AGA: variants seen among roughly 807,000 people sequenced by gnomAD.
AGA encodes N(4)-(beta-N-acetylglucosaminyl)-L-asparaginase.
In AGA, 31 loss-of-function variants were observed where a neutral mutation model predicts 40.1. That is an observed-to-expected ratio of 0.77 (90% CI 0.58 to 1.04). The LOEUF (loss-of-function observed/expected upper bound fraction) is 1.04. AGA is among the 50% of genes least tolerant of loss of function. The pLI is 0.00. For missense variants in AGA, 445 were observed against 435.4 expected (o/e 1.02, Z -0.20); for synonymous variants, 148 against 144.0 (o/e 1.03, Z -0.20).
At chr4:177,438,944 C>G (rs2111018484) in intron 3 of AGA, 87 bp from the exon 4 acceptor site, 1 of 810,886 alleles carries the variant, frequency 1.2e-6, no homozygotes, top group South Asian at 1.4e-5. Flanking sequence ...TCTGGGTCAG[C>G]AGCATCTTAA....
intron 6 of AGA, among the ~76,000 whole-genome samples, chr4:177,434,897 G>A (rs150944737): frequency 1.6e-5 from 2 of 127,664 alleles, no homozygotes; most frequent in East Asian, 3.0e-4. Flanking sequence ...TGAAAACTGC[G>A]AAGTAGATTT....
chr4:177,435,791 C>T lies in AGA; in HGVS notation c.698+485G>A, dbSNP rs984573418. ...CACCAGTGGGAGCCCTGAGCGTGCA[C>T]GCACACGCACACATACACACACACA... On this transcript the variant is annotated intron_variant, in intron 6 of 8. Transcript: ENST00000264595. Among the ~76,000 whole-genome samples, 7 of 150,898 alleles carry T rather than the reference C, an allele frequency of 4.6e-5. No homozygotes were observed. In the East Asian group the frequency reaches 5.9e-4, roughly 13 times the overall value.
chr4:177,433,739 G>A (rs554293860), intron 7 of AGA, among the ~76,000 whole-genome samples: 22 of 152,292 alleles, frequency 1.4e-4, no homozygotes, highest in Non-Finnish European at 2.6e-4. Flanking sequence ...AAAGGTACAC[G>A]ATGACTGCAC....
chr4:177,435,471 G>C (rs988422836), intron 6 of AGA, among the ~76,000 whole-genome samples: 9 of 152,096 alleles, frequency 5.9e-5, no homozygotes, highest in African/African-American at 1.9e-4. Context: ...CTAATTTCCA[G>C]ATGATTGCAA....
intron 2 of AGA, 116 bp downstream of exon 2, chr4:177,440,157 T>G: frequency 1.6e-6 from 2 of 1,259,394 alleles, no homozygotes; most frequent in South Asian, 2.4e-5. Context: ...TCAAGTATAA[T>G]AAGCTAGGGG....
chr4:177,437,390 C>A lies in AGA; in HGVS notation c.622+15G>T. ...CTAAACTTTATCCATAAAAACTGCA[C>A]AAAAGGCAAATTACCAATAGTGTCA... On this transcript the variant is annotated intron_variant, in intron 5 of 8. Transcript: ENST00000264595. 6.4e-7 allele frequency: 1 copy of A among 1,557,412 alleles called. No individual in the cohort carries two copies. Among genetic ancestry groups the A allele is most frequent in the Non-Finnish European group, 8.9e-7 (1 of 1,128,756 alleles).
At chr4:177,435,819 CCT>C in intron 6 of AGA, among the ~76,000 whole-genome samples, 1 of 148,986 alleles carries the variant, frequency 6.7e-6, no homozygotes, top group East Asian at 2.0e-4. Context: ...CACACACACC[CCT>C]TCTTTCCAAG....
chr4:177,438,508 C>T (rs1408447466), intron 4 of AGA, among the ~76,000 whole-genome samples: 1 of 152,188 alleles, frequency 6.6e-6, no homozygotes, highest in Non-Finnish European at 1.5e-5. Flanking sequence ...ATGGCAGAAA[C>T]TTCAGTTTGA....
intron 6 of AGA, 133 bp downstream of exon 6, chr4:177,436,143 C>T (rs926216112): frequency 6.5e-6 from 5 of 766,312 alleles, no homozygotes; most frequent in African/African-American, 1.7e-5. Context: ...GCAGAGAGTA[C>T]TGCATTTTCT....
chr4:177,439,521 A>T, intron 3 of AGA, 55 bp downstream of exon 3: 1 of 1,247,304 alleles, frequency 8.0e-7, no homozygotes, highest in Non-Finnish European at 1.2e-6. Flanking sequence ...ACTATTTTTC[A>T]GTGAAAACTA....
chr4:177,436,281 T>G lies in AGA; in HGVS notation c.693A>C (p.Ile231=). ...GTTCTTTTGGAAACACTAACCCATGTATTTTGAATTTTATACCATTTGTAG... is the reference window on the plus strand; with the variant it reads ...GTTCTTTTGGAAACACTAACCCATGGATTTTGAATTTTATACCATTTGTAG... ...GTSTNGIKFK[I]HGRVGDSPIP... The change falls in exon 6 of 9, where the codon ATA becomes ATC. Residue 231 remains isoleucine (I), a synonymous_variant. Coordinates refer to ENST00000264595, the MANE Select transcript of AGA (RefSeq NM_000027.4). The G allele has an allele frequency of 6.2e-7, 1 of 1,610,450 alleles. No individual in the cohort carries two copies. The highest frequency in any genetic ancestry group is 8.5e-7 in the Non-Finnish European group (1 of 1,176,760).
At chr4:177,436,006 C>T (rs1482526922) in intron 6 of AGA, among the ~76,000 whole-genome samples, 2 of 152,168 alleles carry the variant, frequency 1.3e-5, no homozygotes, top group Non-Finnish European at 2.9e-5. Context: ...CCTCAACTAC[C>T]ATGACTCAGG....
chr4:177,439,635 A>G lies in AGA; in HGVS notation c.335T>C (p.Ile112Thr), dbSNP rs978065417. 4 of 1,612,676 alleles carry G rather than the reference A, an allele frequency of 2.5e-6. No homozygotes were observed. Among genetic ancestry groups the G allele is most frequent in the Non-Finnish European group, 2.5e-6 (3 of 1,179,088 alleles). ...VGDLRRIKNA[I>T]GVARKVLEHT... ...TTCCAGTACTTTCCGTGCCACACCA[A>G]TAGCATTTTTAATTCGTCTGAGATC... The change falls in exon 3 of 9, where the codon ATT becomes ACT. Residue 112 changes from isoleucine (I) to threonine (T), a missense_variant. Transcript: ENST00000264595.
At chr4:177,431,835 T>C (rs371131297) in intron 8 of AGA, 27 bp from the exon 9 acceptor site, 33 of 1,568,484 alleles carry the variant, frequency 2.1e-5, no homozygotes, top group Non-Finnish European at 2.9e-5. Context: ...GAAAGAAGTT[T>C]GGTGAACTAT....
Position 177,434,468 on chromosome 4 carries a change from T to C in AGA, c.720A>G (p.Ile240Met). The C allele has an allele frequency of 1.9e-6, 3 of 1,614,018 alleles. No homozygotes were observed. The highest frequency in any genetic ancestry group is 2.5e-6 in the Non-Finnish European group (3 of 1,180,014). ...CGTCAGCATAGGCTCCAGCTCCAGGTATTGGTGAGTCTCCTACACGGCTTT... is the reference window on the plus strand; with the variant it reads ...CGTCAGCATAGGCTCCAGCTCCAGGCATTGGTGAGTCTCCTACACGGCTTT... ...KIHGRVGDSP[I>M]PGAGAYADDT... The change falls in exon 7 of 9, where the codon ATA becomes ATG. Residue 240 changes from isoleucine to methionine, a missense_variant. Ile to Met is a conservative substitution (Grantham distance 10). Transcript: ENST00000264595.
At position 177,440,998 on chromosome 4, in the gene AGA, G is replaced by A. The variant is rs185781747; in HGVS notation, c.128-572C>T. Among the ~76,000 whole-genome samples, 10 of 152,228 alleles carry A rather than the reference G, an allele frequency of 6.6e-5. No homozygotes were observed. The East Asian group carries it at 1.4e-3, about 21-fold the overall frequency. ...CCCTCATTTTAAAGAAAAGTAAACA[G>A]AGCCACAGGTCAGGCAGTTAGTTTA... On this transcript the variant is annotated intron_variant, in intron 1 of 8. Transcript: ENST00000264595.
At chr4:177,435,797 C>G (rs908615786) in intron 6 of AGA, among the ~76,000 whole-genome samples, 15 of 150,862 alleles carry the variant, frequency 9.9e-5, no homozygotes, top group African/African-American at 3.2e-4. Context: ...TGCACGCACA[C>G]GCACACATAC....
At chr4:177,432,265 C>T (rs1736657126) in intron 8 of AGA, among the ~76,000 whole-genome samples, 1 of 152,130 alleles carries the variant, frequency 6.6e-6, no homozygotes, top group African/African-American at 2.4e-5. Context: ...TTTGTCTAAT[C>T]AAGTTCATCT....
chr4:177,437,253 A>G, intron 5 of AGA, 152 bp downstream of exon 5: 1 of 651,500 alleles, frequency 1.5e-6, no homozygotes, highest in Middle Eastern at 4.2e-4. Flanking sequence ...TTTTATACAG[A>G]TCCTAAGACA....
Sources: allele counts gnomAD v4.1 joint callset (sites outside exome capture counted in the v4.1 genomes callset), GRCh38; gene constraint gnomAD v4.1.1; transcripts MANE v1.5; gene names NCBI Gene and HGNC (gene_info 2026-07-23, HGNC 2026-07-21).